HOOK1: variants seen among roughly 807,000 people sequenced by gnomAD.
HOOK1 encodes the protein protein Hook homolog 1.
In HOOK1, 60 loss-of-function variants were observed where a neutral mutation model predicts 112.8. The observed-to-expected ratio is 0.53, with a 90% CI of 0.43 to 0.66. The LOEUF is 0.66. Among genes scored for constraint, HOOK1 ranks in the 30% least tolerant of loss-of-function variants. HOOK1 has a pLI of 0.00. For missense variants in HOOK1, 770 were observed against 856.0 expected, an observed-to-expected ratio of 0.90 and a Z score of 1.25; for synonymous variants, 294 against 283.8, an observed-to-expected ratio of 1.04 and a Z score of -0.36.
At chr1:59,823,244 T>C (rs573920689) in intron 2 of HOOK1, among the ~76,000 whole-genome samples, 37 of 152,286 alleles carry the variant, frequency 2.4e-4, no homozygotes, top group South Asian at 4.1e-4. Context: ...GGCGTGAACC[T>C]GGGAGGCGGA....
At chr1:59,842,556 C>T (rs866782162) in intron 8 of HOOK1, among the ~76,000 whole-genome samples, 1 of 152,008 alleles carries the variant, frequency 6.6e-6, no homozygotes, top group Non-Finnish European at 1.5e-5. Context: ...TGTTAATTTC[C>T]TATTAGTTCT....
intron 2 of HOOK1, among the ~76,000 whole-genome samples, chr1:59,824,064 T>C (rs1294092446): frequency 6.6e-6 from 1 of 152,212 alleles, no homozygotes; most frequent in African/African-American, 2.4e-5. Context: ...CTTTACAGTT[T>C]TGGAACTTTT....
rs780614945 is a variant in HOOK1, at chr1:59,843,478, A to G, written c.668A>G (p.Glu223Gly). Residue 223 changes from glutamate (E) to glycine (G), a missense_variant, in exon 9 of 22, where the codon GAG becomes GGG. Glu to Gly is a moderately conservative substitution (Grantham distance 98). Coordinates refer to ENST00000371208, the MANE Select transcript of HOOK1 (RefSeq NM_015888.6). ...DEKNSLVSEN[E>G]MMNEKLDQLD... ...AAGAATTCACTGGTTTCTGAAAATG[A>G]GATGATGAATGAAAAACTTGACCAG... 6.2e-7 allele frequency: 1 copy of G among 1,611,140 alleles called. No homozygotes were observed. The highest frequency in any genetic ancestry group is 1.7e-5 in the Admixed American group (1 of 59,728).
intron 12 of HOOK1, among the ~76,000 whole-genome samples, chr1:59,850,703 C>T (rs905814021): frequency 1.3e-5 from 2 of 151,318 alleles, no homozygotes; most frequent in African/African-American, 2.4e-5. Context: ...ATTATACATT[C>T]GTGAAAATCC....
intron 1 of HOOK1, among the ~76,000 whole-genome samples, chr1:59,818,429 G>A (rs553867910): frequency 4.6e-5 from 7 of 152,278 alleles, no homozygotes; most frequent in Non-Finnish European, 7.4e-5. Context: ...GGAACTCACC[G>A]TCTTAAAATA....
At chr1:59,816,651 C>G (rs150758378) in intron 1 of HOOK1, among the ~76,000 whole-genome samples, 1 of 152,260 alleles carries the variant, frequency 6.6e-6, no homozygotes, top group Admixed American at 6.5e-5. Flanking sequence ...TTATTGACTT[C>G]CAATGTTGAG....
chr1:59,849,465 A>G (rs1409731992), intron 12 of HOOK1, among the ~76,000 whole-genome samples: 1 of 151,576 alleles, frequency 6.6e-6, no homozygotes, highest in African/African-American at 2.4e-5. Flanking sequence ...ATAGATAATA[A>G]TTTTGCGATG....
At chr1:59,833,346 TG>T in intron 4 of HOOK1, 58 bp from the exon 5 acceptor site, 1 of 1,229,628 alleles carries the variant, frequency 8.1e-7, no homozygotes, top group Non-Finnish European at 1.1e-6. Flanking sequence ...TAATATTAAA[TG>T]TAGCAAATTC....
intron 12 of HOOK1, among the ~76,000 whole-genome samples, chr1:59,856,844 A>G (rs1044783500): frequency 6.6e-6 from 1 of 152,066 alleles, no homozygotes; most frequent in Non-Finnish European, 1.5e-5. Flanking sequence ...CTGTTTGCTC[A>G]GGGCCTCATG....
At chr1:59,822,065 A>C (rs2098386075) in intron 2 of HOOK1, 122 bp downstream of exon 2, 2 of 746,960 alleles carry the variant, frequency 2.7e-6, no homozygotes, top group Non-Finnish European at 4.5e-6. Flanking sequence ...CATATTCAGG[A>C]ATATGGCACC....
At position 59,828,864 on chromosome 1, in the gene HOOK1, A is replaced by C; in HGVS notation, c.222+12A>C. ...ACTGGAGAATAAAGGTATGCAGAAC[A>C]AATGGGAGAAGCACTTGATCCAAAC... On this transcript the variant is annotated intron_variant, in intron 3 of 21. Coordinates refer to ENST00000371208, the MANE Select transcript of HOOK1 (RefSeq NM_015888.6). 1 of 1,599,162 alleles carries C rather than the reference A, an allele frequency of 6.3e-7. No individual in the cohort carries two copies. Among genetic ancestry groups the C allele is most frequent in the Non-Finnish European group, 8.6e-7 (1 of 1,168,506 alleles).
At chr1:59,858,393 T>G (rs1553464389) in intron 12 of HOOK1, 35 bp from the exon 13 acceptor site, 1 of 1,255,016 alleles carries the variant, frequency 8.0e-7, no homozygotes, top group South Asian at 1.2e-5. Flanking sequence ...ATAGGCAGAA[T>G]TAAATACTTT....
chr1:59,859,499 C>CT (rs1022705511), intron 14 of HOOK1, among the ~76,000 whole-genome samples: 44 of 149,934 alleles, frequency 2.9e-4, no homozygotes, highest in African/African-American at 6.1e-4. Context: ...GCCATATGAG[C>CT]TTTTTTTTTA....
chr1:59,830,900 G>GTT (rs748434935), intron 3 of HOOK1, among the ~76,000 whole-genome samples: 27 of 137,820 alleles, frequency 2.0e-4, no homozygotes, highest in Non-Finnish European at 2.7e-4. Context: ...TTTTTTTTAA[G>GTT]TTTTTTTTTT....
chr1:59,828,770 G>A lies in HOOK1; in HGVS notation c.150-10G>A. ...TTTCATCTTTAGTATTTTTTTTGTTGTTGTTTCAGTGATGCAGCTTGGTTT... is the reference window on the plus strand; with the variant it reads ...TTTCATCTTTAGTATTTTTTTTGTTATTGTTTCAGTGATGCAGCTTGGTTT... On this transcript the variant is annotated splice_polypyrimidine_tract_variant and intron_variant, in intron 2 of 21. Transcript: ENST00000371208. The A allele has an allele frequency of 6.2e-7, 1 of 1,604,712 alleles. No homozygotes were observed. Among genetic ancestry groups the A allele is most frequent in the Admixed American group, 1.7e-5 (1 of 58,008 alleles).
chr1:59,837,026 A>C (rs1167062751), intron 7 of HOOK1, 91 bp downstream of exon 7: 2 of 755,136 alleles, frequency 2.6e-6, no homozygotes, highest in Admixed American at 2.4e-5. Flanking sequence ...GAGAGCATAT[A>C]CAATAATATT....
At chr1:59,816,528 G>A (rs946247844) in intron 1 of HOOK1, among the ~76,000 whole-genome samples, 4 of 152,202 alleles carry the variant, frequency 2.6e-5, no homozygotes, top group African/African-American at 7.2e-5. Flanking sequence ...GTTAAGCTTA[G>A]TCTTTATGAT....
intron 2 of HOOK1, among the ~76,000 whole-genome samples, chr1:59,828,243 T>G (rs992153423): frequency 6.6e-6 from 1 of 152,192 alleles, no homozygotes; most frequent in Non-Finnish European, 1.5e-5. Context: ...GACTTTGCTT[T>G]TCATTAAAAC....
intron 3 of HOOK1, among the ~76,000 whole-genome samples, chr1:59,831,934 G>T (rs981845392): frequency 1.3e-5 from 2 of 152,080 alleles, no homozygotes; most frequent in East Asian, 3.8e-4. Flanking sequence ...TTTACAGTGG[G>T]CCCTTGAGTT....
Sources: gnomAD v4.1 joint callset for allele counts (sites outside exome capture counted in the v4.1 genomes callset) on GRCh38, gnomAD v4.1.1 for gene constraint, MANE v1.5 for transcripts, NCBI Gene and HGNC (gene_info 2026-07-23, HGNC 2026-07-21) for gene names.